PABIR2: variants seen among roughly 807,000 people sequenced by gnomAD.
PABIR2 encodes the protein family with sequence similarity 122B.
In PABIR2, 7 loss-of-function variants were observed where a neutral mutation model predicts 22.8. The observed-to-expected ratio is 0.31, with a 90% CI of 0.17 to 0.58. PABIR2 has a LOEUF of 0.58. PABIR2 is among the 20% of genes least tolerant of loss of function. PABIR2 has a pLI of 0.89. For missense variants in PABIR2, 155 were observed against 205.1 expected (o/e 0.76, Z 1.49); for synonymous variants, 67 against 73.8 (o/e 0.91, Z 0.47).
intron 9 of PABIR2, among the ~76,000 whole-genome samples, chrX:134,773,641 T>C (rs1441888537): frequency 4.3e-5 from 4 of 93,978 alleles, no homozygotes; most frequent in Non-Finnish European, 7.6e-5. Flanking sequence ...GGAGAGGTAA[T>C]TGGGCAGTTT....
At chrX:134,787,790 G>T (rs1163085241) in intron 6 of PABIR2, among the ~76,000 whole-genome samples, 2 of 102,039 alleles carry the variant, frequency 2.0e-5, no homozygotes, top group Admixed American at 1.1e-4. Flanking sequence ...TAATTTTTTT[G>T]TATCTATTTT....
chrX:134,780,439 C>A (rs956493972), intron 9 of PABIR2, among the ~76,000 whole-genome samples: 1 of 111,463 alleles, frequency 9.0e-6, no homozygotes, highest in Non-Finnish European at 1.9e-5. Flanking sequence ...AATAGCTAGG[C>A]GTGGTGGCCC....
intron 9 of PABIR2, among the ~76,000 whole-genome samples, chrX:134,781,216 T>C (rs1440427320): frequency 8.9e-6 from 1 of 112,824 alleles, no homozygotes; most frequent in Admixed American, 9.4e-5. Flanking sequence ...CCAAATGAAA[T>C]ACTGTTGACT....
intron 8 of PABIR2, among the ~76,000 whole-genome samples, chrX:134,784,887 C>T (rs954774560): frequency 9.0e-6 from 1 of 111,243 alleles, no homozygotes; most frequent in Non-Finnish European, 1.9e-5. Context: ...ACTGAGAGCA[C>T]CCTGTTATAT....
At chrX:134,787,344 C>A (rs1351926619) in intron 7 of PABIR2, 128 bp downstream of exon 7, 5 of 570,700 alleles carry the variant, frequency 8.8e-6, no homozygotes. Flanking sequence ...AGGTAATCCA[C>A]CAGCCTCGGC....
At chrX:134,772,747 TAG>T (rs2078869630) in intron 9 of PABIR2, among the ~76,000 whole-genome samples, 1 of 111,776 alleles carries the variant, frequency 8.9e-6, no homozygotes, top group Non-Finnish European at 1.9e-5. Flanking sequence ...TCAACTCCCC[TAG>T]AGTTATCACT....
chrX:134,781,788 T>C (rs1464619939), intron 9 of PABIR2, 33 bp downstream of exon 9: 1 of 1,057,780 alleles, frequency 9.5e-7, no homozygotes, highest in Non-Finnish European at 1.3e-6. Flanking sequence ...GATTATACTC[T>C]AATATACTTT....
At chrX:134,796,082 A>T (rs752696102) in intron 1 of PABIR2, 26 bp downstream of exon 1, 2 of 1,181,153 alleles carry the variant, frequency 1.7e-6, no homozygotes, top group South Asian at 3.6e-5. Context: ...TGAATCCTGT[A>T]CTCCATCCTC....
chrX:134,787,057 T>A (rs188809350), intron 7 of PABIR2, among the ~76,000 whole-genome samples: 1 of 110,834 alleles, frequency 9.0e-6, no homozygotes, highest in African/African-American at 3.3e-5. Flanking sequence ...TTTTGATGTC[T>A]GAAAATTTCA....
intron 7 of PABIR2, among the ~76,000 whole-genome samples, chrX:134,786,833 C>A (rs1238582286): frequency 9.1e-6 from 1 of 110,462 alleles, no homozygotes; most frequent in Non-Finnish European, 1.9e-5. Flanking sequence ...TGCCTGTAAT[C>A]CCAGCTACTT....
At chrX:134,773,687 G>GA (rs2078892944) in intron 9 of PABIR2, among the ~76,000 whole-genome samples, 1 of 95,402 alleles carries the variant, frequency 1.0e-5, no homozygotes, top group South Asian at 3.7e-4. Context: ...TTTTGAAAAG[G>GA]AAAAAAGCAT....
At chrX:134,790,989 A>C (rs1423432023) in intron 2 of PABIR2, among the ~76,000 whole-genome samples, 1 of 112,239 alleles carries the variant, frequency 8.9e-6, no homozygotes, top group Non-Finnish European at 1.9e-5. Context: ...TCACTTAGGG[A>C]AACCCAAGAA....
At chrX:134,781,604 C>G (rs1289391229) in intron 9 of PABIR2, among the ~76,000 whole-genome samples, 1 of 111,695 alleles carries the variant, frequency 9.0e-6, no homozygotes, top group Non-Finnish European at 1.9e-5. Flanking sequence ...AACGAAGCAC[C>G]TGTATCAACT....
At chrX:134,785,795 G>A in intron 8 of PABIR2, 91 bp downstream of exon 8, 1 of 884,931 alleles carries the variant, frequency 1.1e-6, no homozygotes, top group Non-Finnish European at 1.6e-6. Context: ...TTTCGTATGT[G>A]TGTGGTAAGA....
Position 134,796,178 on chromosome X carries a change from G to A in PABIR2, c.28C>T (p.Leu10Phe). 1 of 1,210,773 alleles carries A rather than the reference G, an allele frequency of 8.3e-7. No homozygotes were observed. The highest frequency in any genetic ancestry group is 1.8e-5 in the South Asian group (1 of 56,958). MAQEKMELD[L>F]EPDTSYGGTL... is the part of the protein sequence containing the mutation. ...CCCCCATAAGATGTGTCAGGCTCAA[G>A]GTCCAGCTCCATTTTCTCCTGAGCC... The change falls in exon 1 of 10, where the codon CTT (leucine) becomes TTT (phenylalanine). Residue 10 changes from leucine (L) to phenylalanine (F), a missense_variant. By Grantham distance (22) the Leu-to-Phe change is conservative. Transcript: ENST00000343004.
chrX:134,785,375 T>G (rs2079281103), intron 8 of PABIR2, among the ~76,000 whole-genome samples: 1 of 111,151 alleles, frequency 9.0e-6, no homozygotes, highest in South Asian at 3.8e-4. Context: ...ACAAATAAAT[T>G]TATATATATT....
At chrX:134,781,791 T>C (rs1317834356) in intron 9 of PABIR2, 30 bp downstream of exon 9, 1 of 1,078,611 alleles carries the variant, frequency 9.3e-7, no homozygotes, top group Admixed American at 2.3e-5. Flanking sequence ...TATACTCTAA[T>C]ATACTTTTCA....
intron 2 of PABIR2, among the ~76,000 whole-genome samples, chrX:134,791,103 A>C (rs1452326693): frequency 1.8e-5 from 2 of 111,402 alleles, no homozygotes; most frequent in Admixed American, 9.6e-5. Flanking sequence ...ATAATATACA[A>C]CTTGACAATT....
chrX:134,794,900 G>A (rs756589894), intron 1 of PABIR2, among the ~76,000 whole-genome samples: 1 of 111,856 alleles, frequency 8.9e-6, no homozygotes, highest in South Asian at 3.7e-4. Context: ...TGGTCTCCTT[G>A]CCCCTTCTTG....
Sources: allele counts gnomAD v4.1 joint callset (sites outside exome capture counted in the v4.1 genomes callset), GRCh38; gene constraint gnomAD v4.1.1; transcripts MANE v1.5; gene names NCBI Gene and HGNC (gene_info 2026-07-23, HGNC 2026-07-21).